The following DENND2B variants were observed in gnomAD, a reference collection of about 807,000 sequenced individuals.
The protein encoded by DENND2B is DENN domain containing 2B.
Under a neutral mutation model 116.0 loss-of-function variants are expected in DENND2B, and 32 were observed. That is an observed-to-expected ratio of 0.28 (90% CI 0.21 to 0.37). The LOEUF is 0.37. DENND2B is among the 10% of genes least tolerant of loss of function. The pLI is 1.00. For missense variants in DENND2B, 1,276 were observed against 1,477.7 expected, an observed-to-expected ratio of 0.86 and a Z score of 2.24; for synonymous variants, 588 against 583.9, an observed-to-expected ratio of 1.01 and a Z score of -0.10.
At chr11:8,795,428 C>T (rs1334396784) in intron 1 of DENND2B, among the ~76,000 whole-genome samples, 2 of 152,154 alleles carry the variant, frequency 1.3e-5, no homozygotes, top group Non-Finnish European at 2.9e-5. Context: ...CACTTCCAAA[C>T]TTGTTAAAAA....
At chr11:8,762,153 A>T (rs1340539970) in intron 1 of DENND2B, among the ~76,000 whole-genome samples, 1 of 152,148 alleles carries the variant, frequency 6.6e-6, no homozygotes, top group Non-Finnish European at 1.5e-5. Context: ...AGCTCCCATT[A>T]CTCAAAGTAA....
chr11:8,751,982 C>T (rs1448340188), intron 1 of DENND2B, among the ~76,000 whole-genome samples: 2 of 152,132 alleles, frequency 1.3e-5, no homozygotes, highest in African/African-American at 4.8e-5. Flanking sequence ...TACTGAGCAC[C>T]CATGTCCACG....
intron 1 of DENND2B, among the ~76,000 whole-genome samples, chr11:8,896,177 CCTACT>C (rs1266530704): frequency 6.6e-6 from 1 of 152,052 alleles, no homozygotes; most frequent in Non-Finnish European, 1.5e-5. Context: ...GATCTGGCTA[CCTACT>C]CTACTTGCTA....
chr11:8,752,307 C>G (rs928157006), intron 1 of DENND2B, among the ~76,000 whole-genome samples: 1 of 151,990 alleles, frequency 6.6e-6, no homozygotes, highest in Non-Finnish European at 1.5e-5. Context: ...CAAAAATCAG[C>G]CAGGTGTGGT....
rs1391461385 is a variant in DENND2B, at chr11:8,818,362, T to C, written c.-114-7027A>G. 5.3e-5 allele frequency among the ~76,000 whole-genome samples: 8 copies of C among 151,998 alleles called. 1 individual carries two copies. In the South Asian group the frequency reaches 1.0e-3, roughly 20 times the overall value. On this transcript the variant is annotated intron_variant, in intron 4 of 6. Transcript: ENST00000524757. The stretch of plus-strand genomic sequence containing the variant: ...CCTACCATGATTAAAATCTTCAGGA[T>C]TGCGGAGGCAAGGTGCAAAGTGGAG...
intron 3 of DENND2B, among the ~76,000 whole-genome samples, chr11:8,856,571 T>C (rs1308869800): frequency 1.3e-5 from 2 of 151,980 alleles, no homozygotes; most frequent in African/African-American, 2.4e-5. Context: ...TTACTTCCAC[T>C]GGTCACACGT....
chr11:8,856,381 G>C (rs1195269655), intron 3 of DENND2B, among the ~76,000 whole-genome samples: 4 of 152,292 alleles, frequency 2.6e-5, no homozygotes, highest in South Asian at 2.1e-4. Flanking sequence ...GATGGAAAAA[G>C]ATTTCTGGGT....
chr11:8,796,181 C>T (rs1399068703), intron 1 of DENND2B, among the ~76,000 whole-genome samples: 1 of 152,196 alleles, frequency 6.6e-6, no homozygotes, highest in Non-Finnish European at 1.5e-5. Flanking sequence ...ACACTGCATA[C>T]ATTTTCATTT....
At chr11:8,887,596 C>G (rs573702000) in intron 1 of DENND2B, among the ~76,000 whole-genome samples, 13 of 152,318 alleles carry the variant, frequency 8.5e-5, no homozygotes, top group Non-Finnish European at 2.9e-5. Flanking sequence ...TACCTTTTCT[C>G]TCTCCACCAG....
intron 1 of DENND2B, among the ~76,000 whole-genome samples, chr11:8,903,962 A>C (rs955436784): frequency 6.6e-6 from 1 of 151,744 alleles, no homozygotes; most frequent in Non-Finnish European, 1.5e-5. Flanking sequence ...AAGTTGAATT[A>C]GTAATTAAAA....
At position 8,730,325 on chromosome 11, in the gene DENND2B, G is replaced by C; in HGVS notation, c.965C>G (p.Ser322Cys). The change falls in exon 3 of 20, where the codon TCC (serine) becomes TGC (cysteine). Residue 322 changes from serine (S) to cysteine (C), a missense_variant. By Grantham distance (112) the Ser-to-Cys change is moderately radical. Coordinates refer to ENST00000313726, the MANE Select transcript of DENND2B (RefSeq NM_213618.2). This position sits in a 1 kb window ranked among gnomAD's most constrained non-coding sequence, Gnocchi z 4.1. ...CGCGCCCCCTGCCGGCTCCTCCAAGGAGCCCAAGGTTCCAGTCTTCCTTTT... is the reference window on the plus strand; with the variant it reads ...CGCGCCCCCTGCCGGCTCCTCCAAGCAGCCCAAGGTTCCAGTCTTCCTTTT... ...RGKRKTGTLG[S>C]LEEPAGGASV... The C allele has an allele frequency of 1.2e-6, 2 of 1,601,542 alleles. No homozygotes were observed. Among genetic ancestry groups the C allele is most frequent in the Non-Finnish European group, 1.7e-6 (2 of 1,177,594 alleles).
chr11:8,754,861 G>A (rs1053546153), intron 1 of DENND2B, among the ~76,000 whole-genome samples: 4 of 152,234 alleles, frequency 2.6e-5, no homozygotes, highest in African/African-American at 7.2e-5. Context: ...GCCTAGCACT[G>A]GTTGAGGGTG....
At chr11:8,829,633 AC>A (rs1351432628) in intron 4 of DENND2B, among the ~76,000 whole-genome samples, 1 of 151,992 alleles carries the variant, frequency 6.6e-6, no homozygotes, top group Non-Finnish European at 1.5e-5. Flanking sequence ...TTGGTTTATC[AC>A]CTAATGTTAT....
intron 1 of DENND2B, among the ~76,000 whole-genome samples, chr11:8,751,122 T>A (rs373851276): frequency 2.7e-4 from 41 of 152,140 alleles, no homozygotes; most frequent in African/African-American, 9.6e-4. Flanking sequence ...ATCAGCACTC[T>A]GCATCTAGCT....
At chr11:8,869,279 C>T (rs1292704033) in intron 2 of DENND2B, among the ~76,000 whole-genome samples, 1 of 152,192 alleles carries the variant, frequency 6.6e-6, no homozygotes, top group Admixed American at 6.5e-5. Flanking sequence ...AATGGGTGCC[C>T]TTCTGGCCCA....
At chr11:8,782,540 T>C (rs941196494) in intron 1 of DENND2B, among the ~76,000 whole-genome samples, 2 of 152,206 alleles carry the variant, frequency 1.3e-5, no homozygotes, top group East Asian at 3.8e-4. Flanking sequence ...GATGGGTACA[T>C]AGATTTTTAT....
intron 16 of DENND2B, 186 bp from the exon 17 acceptor site, chr11:8,697,822 A>G: frequency 1.6e-6 from 1 of 607,312 alleles, no homozygotes; most frequent in Non-Finnish European, 3.0e-6. Context: ...CTTGCCCAAG[A>G]TTACAGAGAT....
At chr11:8,748,314 AGTT>A (rs1325445699) in intron 2 of DENND2B, among the ~76,000 whole-genome samples, 2 of 152,348 alleles carry the variant, frequency 1.3e-5, no homozygotes, top group Admixed American at 6.5e-5. Context: ...CATCAATCCA[AGTT>A]GTAAATACCT....
chr11:8,861,539 T>G (rs146281598), intron 2 of DENND2B, among the ~76,000 whole-genome samples: 1 of 152,300 alleles, frequency 6.6e-6, no homozygotes, highest in East Asian at 1.9e-4. Context: ...ACAATAGATC[T>G]TGACATGGAT....
Sources: allele counts gnomAD v4.1 joint callset (sites outside exome capture counted in the v4.1 genomes callset), GRCh38; gene constraint gnomAD v4.1.1; non-coding constraint Gnocchi (gnomAD v3.1); transcripts MANE v1.5; gene names NCBI Gene and HGNC (gene_info 2026-07-23, HGNC 2026-07-21).